AGAP1: variants seen among roughly 807,000 people sequenced by gnomAD.
AGAP1 encodes ArfGAP with GTPase domain, ankyrin repeat and PH domain 1.
AGAP1 carries 29 observed loss-of-function variants against 105.3 expected under a neutral mutation model. That is an observed-to-expected ratio of 0.28 (90% CI 0.21 to 0.38). The LOEUF is 0.38. Ranked by LOEUF, AGAP1 falls within the 10% of genes least tolerant of loss-of-function variation. AGAP1 has a pLI of 1.00. For missense variants in AGAP1, 998 were observed against 1,165.1 expected (o/e 0.86, Z 2.09); for synonymous variants, 509 against 485.9 (o/e 1.05, Z -0.63).
chr2:235,805,214 G>T (rs946402560), intron 8 of AGAP1, among the ~76,000 whole-genome samples: 5 of 152,100 alleles, frequency 3.3e-5, no homozygotes, highest in Non-Finnish European at 7.3e-5. Flanking sequence ...TTTTATTTTT[G>T]CAATGAAGTC....
rs1016636352 is a variant in AGAP1, at chr2:235,967,515, G to A, written c.1484-947G>A. ...ATCTGTTTCTCCTCGATCAATGATG[G>A]CTGCCAAGCATCTTGAAAAGCCGCT... On this transcript the variant is annotated intron_variant, in intron 12 of 17. Coordinates refer to ENST00000304032, the MANE Select transcript of AGAP1 (RefSeq NM_001037131.3). This position sits in a 1 kb window ranked among gnomAD's most constrained non-coding sequence, Gnocchi z 4.7. Among the ~76,000 whole-genome samples the A allele has an allele frequency of 6.6e-6, 1 of 152,152 alleles. No individual in the cohort carries two copies. Among genetic ancestry groups the A allele is most frequent in the Non-Finnish European group, 1.5e-5 (1 of 68,038 alleles).
rs531749918 is a variant in AGAP1, at chr2:236,109,018, C to T, written c.2115-11174C>T. 5.3e-5 allele frequency among the ~76,000 whole-genome samples: 8 copies of T among 152,342 alleles called. No homozygotes were observed. The East Asian group carries it at 1.3e-3, about 26-fold the overall frequency. ...CTTCCCTGCCAGGACCAAAACACAG[C>T]TGATGGTGGCTGTGTGAGACCTCAT... is the stretch of plus-strand genomic sequence containing the variant. On this transcript the variant is annotated intron_variant, in intron 16 of 17. Coordinates refer to ENST00000304032, the MANE Select transcript of AGAP1 (RefSeq NM_001037131.3). The surrounding 1 kb of genome is among the most constrained non-coding windows in gnomAD (Gnocchi z 5.4).
rs2057677604 is a variant in AGAP1 at position 236,045,121 on chromosome 2, G to T, written c.1892-3938G>T. ...TGTAGAGAGGTAGTCTCACTATGCT[G>T]CCCAGGCTGGTCTTAAACTCCTGGC... On this transcript the variant is annotated intron_variant, in intron 15 of 17. Coordinates refer to ENST00000304032, the MANE Select transcript of AGAP1 (RefSeq NM_001037131.3). The surrounding 1 kb of genome is among the most constrained non-coding windows in gnomAD (Gnocchi z 6.9). 6.6e-6 allele frequency among the ~76,000 whole-genome samples: 1 copy of T among 152,186 alleles called. No individual in the cohort carries two copies. Among genetic ancestry groups the T allele is most frequent in the African/African-American group, 2.4e-5 (1 of 41,428 alleles).
intron 12 of AGAP1, among the ~76,000 whole-genome samples, chr2:235,937,587 A>G (rs923017432): frequency 3.9e-5 from 6 of 152,226 alleles, no homozygotes; most frequent in Non-Finnish European, 5.9e-5. Context: ...AAATGCTTGT[A>G]AACAGGGAGT....
At chr2:235,504,028 C>T (rs143225822) in intron 1 of AGAP1, among the ~76,000 whole-genome samples, 2,034 of 152,290 alleles carry the variant, frequency 0.013, 30 homozygotes, top group South Asian at 0.04. Flanking sequence ...ACCACAGGCA[C>T]GCACCACCAT....
In AGAP1 at chr2:235,747,054, G is replaced by T. The variant is rs1953010502; in HGVS notation, c.538+2215G>T. 6.6e-6 allele frequency among the ~76,000 whole-genome samples: 1 copy of T among 152,280 alleles called. No homozygotes were observed. The highest frequency in any genetic ancestry group is 2.1e-4 in the South Asian group (1 of 4,824). Reference sequence around the variant, plus strand: ...AACAGGAATTCCCAGAAGACACTCAGTGCATCCGTGGGTATGTGATAGGCA... The same window carrying T: ...AACAGGAATTCCCAGAAGACACTCATTGCATCCGTGGGTATGTGATAGGCA... On this transcript the variant is annotated intron_variant, in intron 5 of 17. Transcript: ENST00000304032. The surrounding 1 kb of genome is among the most constrained non-coding windows in gnomAD (Gnocchi z 5.0).
rs1409901009 is a variant in AGAP1, at chr2:235,754,755, C to T, written c.673+4267C>T. Reference sequence around the variant, plus strand: ...TTCATCTGAGCACCAGCTTCCCACACACTGTGCGTCTGGTCAGGGGCTAGA... The same window carrying T: ...TTCATCTGAGCACCAGCTTCCCACATACTGTGCGTCTGGTCAGGGGCTAGA... On this transcript the variant is annotated intron_variant, in intron 6 of 17. Transcript: ENST00000304032. This position sits in a 1 kb window ranked among gnomAD's most constrained non-coding sequence, Gnocchi z 4.6. 2.0e-5 allele frequency among the ~76,000 whole-genome samples: 3 copies of T among 152,212 alleles called. No homozygotes were observed. The East Asian group carries it at 5.8e-4, about 29-fold the overall frequency.
rs760627585 is a variant in AGAP1 at position 235,620,624 on chromosome 2, C to G, written c.164-88555C>G. Among the ~76,000 whole-genome samples the G allele has an allele frequency of 4.6e-5, 7 of 152,174 alleles. No homozygotes were observed. The highest frequency in any genetic ancestry group is 9.7e-5 in the African/African-American group (4 of 41,450). On this transcript the variant is annotated intron_variant, in intron 1 of 17. Coordinates refer to ENST00000304032, the MANE Select transcript of AGAP1 (RefSeq NM_001037131.3). This position sits in a 1 kb window ranked among gnomAD's most constrained non-coding sequence, Gnocchi z 4.5. The stretch of plus-strand genomic sequence containing the variant: ...TTCCTCCCAGCCACAGCCCCTCCTC[C>G]TCACCTCCTCACCTGCTTCCTATTT...
intron 1 of AGAP1, among the ~76,000 whole-genome samples, chr2:235,617,488 G>C (rs556520591): frequency 6.6e-6 from 1 of 152,282 alleles, no homozygotes; most frequent in African/African-American, 2.4e-5. Context: ...GATCACCTGA[G>C]GTCAGGAGTT....
At position 235,692,289 on chromosome 2, in the gene AGAP1, C is replaced by A. The variant is rs1181487369; in HGVS notation, c.164-16890C>A. The stretch of plus-strand genomic sequence containing the variant: ...GCCTCGCCTCTGTAACAGAACGTGG[C>A]CCCTGCCTTCCATCTTCCCCAGGGT... On this transcript the variant is annotated intron_variant, in intron 1 of 17. Coordinates refer to ENST00000304032, the MANE Select transcript of AGAP1 (RefSeq NM_001037131.3). The surrounding 1 kb of genome is among the most constrained non-coding windows in gnomAD (Gnocchi z 5.8). Among the ~76,000 whole-genome samples the A allele has an allele frequency of 1.3e-5, 2 of 152,112 alleles. No homozygotes were observed. The highest frequency in any genetic ancestry group is 2.9e-5 in the Non-Finnish European group (2 of 68,032).
chr2:235,996,863 G>A (rs1256601825), intron 13 of AGAP1, among the ~76,000 whole-genome samples: 1 of 152,214 alleles, frequency 6.6e-6, no homozygotes, highest in Non-Finnish European at 1.5e-5. Context: ...ACCACTGAAA[G>A]AGATTAATCC....
intron 16 of AGAP1, among the ~76,000 whole-genome samples, chr2:236,060,726 A>G (rs1390003983): frequency 1.3e-5 from 2 of 152,182 alleles, no homozygotes; most frequent in African/African-American, 2.4e-5. Context: ...AAAAAAAAGA[A>G]TACTTAAAAC....
intron 13 of AGAP1, among the ~76,000 whole-genome samples, chr2:235,975,575 A>G (rs2054826217): frequency 6.6e-6 from 1 of 152,122 alleles, no homozygotes; most frequent in Admixed American, 6.5e-5. Context: ...CTGGGGTGCA[A>G]TTAGTGTGCA....
At position 235,603,259 on chromosome 2, in the gene AGAP1, C is replaced by T. The variant is rs192218844; in HGVS notation, c.164-105920C>T. Reference sequence around the variant, plus strand: ...CCGCCATGTAAGATGTGCCTTTCACCTTCTGCCATGATTGTGAGGCCTCCC... The same window carrying T: ...CCGCCATGTAAGATGTGCCTTTCACTTTCTGCCATGATTGTGAGGCCTCCC... On this transcript the variant is annotated intron_variant, in intron 1 of 17. Coordinates refer to ENST00000304032, the MANE Select transcript of AGAP1 (RefSeq NM_001037131.3). Among the ~76,000 whole-genome samples, 267 of 152,314 alleles carry T rather than the reference C, an allele frequency of 1.8e-3. 1 individual carries two copies. Among genetic ancestry groups the T allele is most frequent in the Admixed American group, 3.1e-3 (47 of 15,300 alleles).
At position 235,729,383 on chromosome 2, in the gene AGAP1, G is replaced by A. The variant is rs143391388; in HGVS notation, c.311-11580G>A. ...GCCTGGCAGTACCTCAGTGGCAGAT[G>A]CAGCTCGTTCCAAGATGTTCCAGAG... On this transcript the variant is annotated intron_variant, in intron 3 of 17. Coordinates refer to ENST00000304032, the MANE Select transcript of AGAP1 (RefSeq NM_001037131.3). This position sits in a 1 kb window ranked among gnomAD's most constrained non-coding sequence, Gnocchi z 5.0. Among the ~76,000 whole-genome samples the A allele has an allele frequency of 2.3e-3, 357 of 152,316 alleles. 6 individuals carry two copies. The highest frequency in any genetic ancestry group is 0.02 in the East Asian group (105 of 5,182).
At position 236,123,951 on chromosome 2, in the gene AGAP1, C is replaced by G. The variant is rs761479857; in HGVS notation, c.2403C>G (p.His801Gln). ...TGGACGTCACGGCCCGAGATGCCCACGGGAACACAGCTCTGGCCTACGCCC... is the reference window on the plus strand; with the variant it reads ...TGGACGTCACGGCCCGAGATGCCCAGGGGAACACAGCTCTGGCCTACGCCC... Reference protein sequence around the residue: ...YGVDVTARDAHGNTALAYARQ... With the variant: ...YGVDVTARDAQGNTALAYARQ... Residue 801 changes from histidine to glutamine, a missense_variant, in exon 18 of 18, where the codon CAC becomes CAG. By Grantham distance (24) the His-to-Gln change is conservative. This residue lies in a region of AGAP1 where 235 missense variants were observed against 270.7 expected (regional missense o/e 0.87). Transcript: ENST00000304032. The surrounding 1 kb of genome is among the most constrained non-coding windows in gnomAD (Gnocchi z 4.6). The G allele has an allele frequency of 6.2e-7, 1 of 1,613,702 alleles. No individual in the cohort carries two copies. The highest frequency in any genetic ancestry group is 8.5e-7 in the Non-Finnish European group (1 of 1,179,926).
At chr2:235,805,357 A>C (rs1957784566) in intron 8 of AGAP1, among the ~76,000 whole-genome samples, 1 of 152,186 alleles carries the variant, frequency 6.6e-6, no homozygotes, top group Non-Finnish European at 1.5e-5. Flanking sequence ...GGAATCTGAA[A>C]TTCTGCTCTG....
In AGAP1 at chr2:236,012,176, AG is replaced by A. The variant is rs1210527922; in HGVS notation, c.1646-24384del. 2.0e-5 allele frequency among the ~76,000 whole-genome samples: 3 copies of A among 152,134 alleles called. No individual in the cohort carries two copies. The highest frequency in any genetic ancestry group is 4.4e-5 in the Non-Finnish European group (3 of 68,028). On this transcript the variant is annotated intron_variant, in intron 13 of 17. Coordinates refer to ENST00000304032, the MANE Select transcript of AGAP1 (RefSeq NM_001037131.3). The surrounding 1 kb of genome is among the most constrained non-coding windows in gnomAD (Gnocchi z 4.9). ...TAGGTTAATAGAAAGCCGGGCTGCA[AG>A]TTCACTTCCTGCTTATACATCCTGT...
chr2:235,928,139 G>A (rs931375272), intron 11 of AGAP1, among the ~76,000 whole-genome samples: 20 of 152,180 alleles, frequency 1.3e-4, no homozygotes, highest in African/African-American at 4.6e-4. Context: ...TCTTGTCATT[G>A]TCCTTTTCCA....
Sources: allele counts gnomAD v4.1 joint callset (sites outside exome capture counted in the v4.1 genomes callset), GRCh38; gene constraint gnomAD v4.1.1; regional missense constraint gnomAD v4.1.1; non-coding constraint Gnocchi (gnomAD v3.1); transcripts MANE v1.5; gene names NCBI Gene and HGNC (gene_info 2026-07-23, HGNC 2026-07-21).